Variants in CSMD2 observed in about 807,000 individuals in gnomAD.
CSMD2 encodes the protein CUB and sushi domain-containing protein 2.
A neutral mutation model predicts 398.5 loss-of-function variants in CSMD2; 130 were observed. The ratio of observed to expected loss-of-function variants is 0.33; its 90% confidence interval spans 0.28 to 0.38. The LOEUF (loss-of-function observed/expected upper bound fraction) is 0.38, where lower values mean the gene tolerates loss of function less well. CSMD2 is among the 10% of genes least tolerant of loss of function. The pLI is 1.00. For synonymous variants in CSMD2, 1,828 were observed against 1,908.5 expected (o/e 0.96, Z 1.10); for missense variants, 3,829 against 4,764.9 (o/e 0.80, Z 5.78).
chr1:33,825,600 G>T, intron 7 of CSMD2, 97 bp downstream of exon 7: 1 of 1,084,622 alleles, frequency 9.2e-7, no homozygotes, highest in Non-Finnish European at 1.4e-6. Context: ...TTGAAGGAAA[G>T]TCATTCCAGC....
chr1:34,108,282 A>AG (rs1298554039), intron 1 of CSMD2, among the ~76,000 whole-genome samples: 2 of 151,550 alleles, frequency 1.3e-5, no homozygotes, highest in African/African-American at 2.4e-5. Flanking sequence ...TGAGAGAGAG[A>AG]GAAAAAAAAA....
intron 1 of CSMD2, among the ~76,000 whole-genome samples, chr1:34,152,858 A>G (rs1018111537): frequency 1.1e-4 from 16 of 152,196 alleles, no homozygotes; most frequent in Admixed American, 2.0e-4. Flanking sequence ...ACTGAAAGTC[A>G]GTGCCCATTA....
rs1409265174 is a variant in CSMD2, at chr1:33,635,290, G to T, written c.5010C>A (p.Val1670=). Residue 1670 remains valine, a synonymous_variant, in exon 31 of 71, where the codon GTC becomes GTA. Transcript: ENST00000373381. This position sits in a 1 kb window ranked among gnomAD's most constrained non-coding sequence, Gnocchi z 5.0. ...GGQYVGSDGV[V]LSPNYPQNYT... ...AGTTCTGGGGGTAGTTGGGGGACAA[G>T]ACCACTCCGTCCGAACCCACATACT... The T allele has an allele frequency of 1.9e-6, 3 of 1,612,734 alleles. No homozygotes were observed. Among genetic ancestry groups the T allele is most frequent in the Non-Finnish European group, 2.5e-6 (3 of 1,179,336 alleles).
At chr1:34,016,001 G>A (rs551907045) in intron 3 of CSMD2, among the ~76,000 whole-genome samples, 2 of 145,518 alleles carry the variant, frequency 1.4e-5, no homozygotes, top group Non-Finnish European at 3.0e-5. Context: ...CATTTACACT[G>A]GACTCCTTGC....
chr1:33,639,061 CT>C (rs1642965397), intron 29 of CSMD2, among the ~76,000 whole-genome samples: 1 of 152,224 alleles, frequency 6.6e-6, no homozygotes, highest in African/African-American at 2.4e-5. Context: ...GTTGACTCAG[CT>C]GAGGGAAATG....
chr1:33,801,828 G>A lies in CSMD2; in HGVS notation c.1446+8915C>T, dbSNP rs1180147879. Among the ~76,000 whole-genome samples the A allele has an allele frequency of 9.9e-5, 15 of 152,218 alleles. 1 individual carries two copies. The highest frequency in any genetic ancestry group is 9.8e-4 in the Admixed American group (15 of 15,282). On this transcript the variant is annotated intron_variant, in intron 10 of 70. Transcript: ENST00000373381. Reference sequence around the variant, plus strand: ...CCAGACAGGTCTTAAAGGGCCAGGTGTGTCTGTGAACCTGAGTTCAGTGTG... The same window carrying A: ...CCAGACAGGTCTTAAAGGGCCAGGTATGTCTGTGAACCTGAGTTCAGTGTG...
intron 5 of CSMD2, among the ~76,000 whole-genome samples, chr1:33,914,212 C>G (rs1423658658): frequency 1.3e-5 from 2 of 152,130 alleles, no homozygotes. Context: ...CACCCCCACA[C>G]TCCAGCAGGG....
chr1:33,832,612 T>A (rs7366548), intron 6 of CSMD2, among the ~76,000 whole-genome samples: 1 of 146,500 alleles, frequency 6.8e-6, no homozygotes, highest in Non-Finnish European at 1.5e-5. Flanking sequence ...AGAGCAAACA[T>A]ATTCAAAAGC....
chr1:33,742,586 C>CCA (rs1557824982), intron 14 of CSMD2, among the ~76,000 whole-genome samples: 5 of 141,506 alleles, frequency 3.5e-5, no homozygotes, highest in Admixed American at 7.1e-5. Context: ...TGCCCCCCCC[C>CCA]CCCCAACCCC....
chr1:33,795,185 G>GCAAC (rs1238558042), intron 10 of CSMD2, among the ~76,000 whole-genome samples: 2 of 152,186 alleles, frequency 1.3e-5, no homozygotes, highest in Non-Finnish European at 2.9e-5. Context: ...TGGGCCTGCA[G>GCAAC]CAACGTCTAG....
intron 5 of CSMD2, among the ~76,000 whole-genome samples, chr1:33,901,295 T>C (rs7531095): frequency 0.81 from 123,221 of 152,256 alleles, 50,721 homozygotes; most frequent in African/African-American, 0.95. Flanking sequence ...CCTTTGATGC[T>C]GGTGAGATGC....
In CSMD2 at chr1:33,908,422, C is replaced by A. The variant is rs570563312; in HGVS notation, c.920+9672G>T. Among the ~76,000 whole-genome samples the A allele has an allele frequency of 7.2e-5, 11 of 152,368 alleles. 1 individual carries two copies. Among genetic ancestry groups the A allele is most frequent in the African/African-American group, 2.4e-4 (10 of 41,592 alleles). On this transcript the variant is annotated intron_variant, in intron 5 of 70. Transcript: ENST00000373381. Reference sequence around the variant, plus strand: ...GGCACCATCAGGCATCTGGCAGCTCCTCAAGAGAGGTCGAGGACAGCATTT... The same window carrying A: ...GGCACCATCAGGCATCTGGCAGCTCATCAAGAGAGGTCGAGGACAGCATTT...
chr1:33,862,027 C>T (rs189703110), intron 5 of CSMD2, among the ~76,000 whole-genome samples: 20 of 152,216 alleles, frequency 1.3e-4, no homozygotes, highest in Admixed American at 2.0e-4. Flanking sequence ...GACCAGCTTC[C>T]CAGGCCAGAG....
intron 50 of CSMD2, 68 bp from the exon 51 acceptor site, chr1:33,571,794 C>A: frequency 8.3e-7 from 1 of 1,207,542 alleles, no homozygotes; most frequent in African/African-American, 1.5e-5. Flanking sequence ...TGTAAGAGCC[C>A]AGATCTAGGG....
intron 3 of CSMD2, among the ~76,000 whole-genome samples, chr1:33,956,867 C>T (rs538952615): frequency 6.6e-6 from 1 of 152,060 alleles, no homozygotes. Context: ...TTAACACCCC[C>T]CTAAATCTTC....
At chr1:33,649,121 T>A (rs1643619938) in intron 28 of CSMD2, among the ~76,000 whole-genome samples, 1 of 152,212 alleles carries the variant, frequency 6.6e-6, no homozygotes, top group Admixed American at 6.5e-5. Context: ...GCAATTCCAC[T>A]CTTAAGTATA....
intron 25 of CSMD2, among the ~76,000 whole-genome samples, chr1:33,667,445 C>A (rs188254097): frequency 3.9e-4 from 59 of 152,256 alleles, no homozygotes; most frequent in African/African-American, 1.0e-3. Flanking sequence ...AGGTAACTTG[C>A]ACAAGGTCAT....
intron 46 of CSMD2, among the ~76,000 whole-genome samples, chr1:33,584,672 A>AC (rs966357050): frequency 6.6e-6 from 1 of 150,556 alleles, no homozygotes; most frequent in African/African-American, 2.4e-5. Context: ...TCTCAAAAAA[A>AC]ATATATCTAT....
intron 15 of CSMD2, among the ~76,000 whole-genome samples, chr1:33,728,646 A>G (rs537344398): frequency 6.6e-6 from 1 of 152,210 alleles, no homozygotes; most frequent in Non-Finnish European, 1.5e-5. Flanking sequence ...CTGTCTCTAA[A>G]TCCCCCGTGA....
Sources: allele counts gnomAD v4.1 joint callset (sites outside exome capture counted in the v4.1 genomes callset), GRCh38; gene constraint gnomAD v4.1.1; non-coding constraint Gnocchi (gnomAD v3.1); transcripts MANE v1.5; gene names NCBI Gene and HGNC (gene_info 2026-07-23, HGNC 2026-07-21).